Variants in IFIT5 observed in about 807,000 individuals in gnomAD.
IFIT5 encodes interferon induced protein with tetratricopeptide repeats 5, also known as interferon-induced protein with tetratricopeptide repeats 5.
A neutral mutation model predicts 5.0 loss-of-function variants in IFIT5; 2 were observed. The observed-to-expected ratio is 0.40, with a 90% CI of 0.16 to 1.26. The LOEUF is 1.26. IFIT5 is among the 50% of genes most tolerant of loss of function. The pLI is 0.33. For synonymous variants in IFIT5, 206 were observed against 204.6 expected, an observed-to-expected ratio of 1.01 and a Z score of -0.06; for missense variants, 524 against 563.2, an observed-to-expected ratio of 0.93 and a Z score of 0.70.
chr10:89,414,911 G>T, intron 1 of IFIT5, 108 bp downstream of exon 1: 1 of 1,390,882 alleles, frequency 7.2e-7, no homozygotes, highest in Non-Finnish European at 9.7e-7. Flanking sequence ...TTCAGGGGCC[G>T]AGCCCCTCGC....
rs745661525 is a variant in IFIT5, at chr10:89,418,561, T to A, written c.1362T>A (p.Ala454=). Residue 454 remains alanine (A), a synonymous_variant, in exon 2 of 2, where the codon GCT becomes GCA. Coordinates refer to ENST00000371795, the MANE Select transcript of IFIT5 (RefSeq NM_012420.3). ...VYKLEGEKRQ[A]AEYYEKAQKI... is the part of the protein sequence containing the mutation. ...AGCTGGAAGGAGAAAAGAGGCAAGCTGCTGAGTACTATGAGAAGGCACAAA... is the reference window on the plus strand; with the variant it reads ...AGCTGGAAGGAGAAAAGAGGCAAGCAGCTGAGTACTATGAGAAGGCACAAA... 2 of 1,614,176 alleles carry A rather than the reference T, an allele frequency of 1.2e-6. No individual in the cohort carries two copies. The highest frequency in any genetic ancestry group is 2.2e-5 in the South Asian group (2 of 91,080).
In IFIT5 at chr10:89,414,803, G is replaced by A. The variant is rs749460678; in HGVS notation, c.5G>A (p.Ser2Asn). Residue 2 changes from serine (S) to asparagine (N), a missense_variant and splice_region_variant, in exon 1 of 2, where the codon AGT becomes AAT. Physicochemically the swap from Ser to Asn is conservative, Grantham distance 46. Transcript: ENST00000371795. MSEIRKDTLKAI... is the reference protein window; with the variant it reads MNEIRKDTLKAI... ...GGCCTGCAGAGCGCTGCCATCATGA[G>A]GTAAGGGTTTTCCTTTGCCTCTCCT... 1.2e-6 allele frequency: 2 copies of A among 1,610,308 alleles called. No homozygotes were observed. The highest frequency in any genetic ancestry group is 1.7e-6 in the Non-Finnish European group (2 of 1,178,474).
chr10:89,417,501 C>T lies in IFIT5; in HGVS notation c.302C>T (p.Ala101Val). 2 of 1,614,098 alleles carry T rather than the reference C, an allele frequency of 1.2e-6. No homozygotes were observed. Among genetic ancestry groups the T allele is most frequent in the African/African-American group, 1.3e-5 (1 of 75,024 alleles). ...VRSLVTWGNYAWVYYHMDQLE... is the reference protein window; with the variant it reads ...VRSLVTWGNYVWVYYHMDQLE... Reference sequence around the variant, plus strand: ...AGCCTGGTCACTTGGGGAAACTATGCCTGGGTGTATTATCACATGGACCAG... The same window carrying T: ...AGCCTGGTCACTTGGGGAAACTATGTCTGGGTGTATTATCACATGGACCAG... The change falls in exon 2 of 2, where the codon GCC (alanine) becomes GTC (valine). Residue 101 changes from alanine to valine, a missense_variant. Physicochemically the swap from Ala to Val is moderately conservative, Grantham distance 64. Transcript: ENST00000371795.
chr10:89,418,213 A>G lies in IFIT5; in HGVS notation c.1014A>G (p.Ala338=), dbSNP rs914362521. 3.1e-6 allele frequency: 5 copies of G among 1,614,088 alleles called. No homozygotes were observed. The African/African-American group carries it at 6.7e-5, about 22-fold the overall frequency. ...KAAMERDSMF[A]FAYTDLANMY... is the part of the protein sequence containing the mutation. ...CCATGGAACGAGACTCTATGTTTGCATTTGCCTACACAGACCTGGCCAACA... is the reference window on the plus strand; with the variant it reads ...CCATGGAACGAGACTCTATGTTTGCGTTTGCCTACACAGACCTGGCCAACA... Residue 338 remains alanine (A), a synonymous_variant, in exon 2 of 2, where the codon GCA becomes GCG. Coordinates refer to ENST00000371795, the MANE Select transcript of IFIT5 (RefSeq NM_012420.3).
In IFIT5 at chr10:89,418,562, G is replaced by T; in HGVS notation, c.1363G>T (p.Ala455Ser). 6.2e-7 allele frequency: 1 copy of T among 1,614,172 alleles called. No homozygotes were observed. The highest frequency in any genetic ancestry group is 8.5e-7 in the Non-Finnish European group (1 of 1,180,024). ...YKLEGEKRQAAEYYEKAQKID... is the reference protein window; with the variant it reads ...YKLEGEKRQASEYYEKAQKID... ...GCTGGAAGGAGAAAAGAGGCAAGCTGCTGAGTACTATGAGAAGGCACAAAA... is the reference window on the plus strand; with the variant it reads ...GCTGGAAGGAGAAAAGAGGCAAGCTTCTGAGTACTATGAGAAGGCACAAAA... Residue 455 changes from alanine to serine, a missense_variant, in exon 2 of 2, where the codon GCT (alanine) becomes TCT (serine). Physicochemically the swap from Ala to Ser is moderately conservative, Grantham distance 99. Coordinates refer to ENST00000371795, the MANE Select transcript of IFIT5 (RefSeq NM_012420.3).
rs935083647 is a variant in IFIT5 at position 89,419,027 on chromosome 10, C to A, written c.*379C>A. The A allele has an allele frequency of 6.3e-6, 1 of 158,716 alleles. No homozygotes were observed. Among genetic ancestry groups the A allele is most frequent in the African/African-American group, 2.4e-5 (1 of 41,524 alleles). The allele number at this position is 158,716 out of a possible 1,614,324, so 9.8% of individuals were successfully genotyped here. On this transcript the variant is annotated 3_prime_UTR_variant, in exon 2 of 2. Coordinates refer to ENST00000371795, the MANE Select transcript of IFIT5 (RefSeq NM_012420.3). Reference sequence around the variant, plus strand: ...GATCAGGAATACTCTTCCAGGAGTACAAAATTACATTATTGATAGTTAAGC... The same window carrying A: ...GATCAGGAATACTCTTCCAGGAGTAAAAAATTACATTATTGATAGTTAAGC...
Position 89,417,259 on chromosome 10 carries a change from T to C in IFIT5, c.60T>C (p.Phe20=), listed in dbSNP as rs1841547183. The change falls in exon 2 of 2, where the codon TTT becomes TTC. Residue 20 remains phenylalanine, a synonymous_variant. Transcript: ENST00000371795. The stretch of plus-strand genomic sequence containing the variant: ...TTCTGTTGGAGTTAGAATGTCATTT[T>C]ACATGGAATTTACTTAAGGAAGACA... ...KAILLELECH[F]TWNLLKEDID... 1.9e-6 allele frequency: 3 copies of C among 1,612,426 alleles called. No individual in the cohort carries two copies. In the South Asian group the frequency reaches 3.3e-5, roughly 18 times the overall value.
chr10:89,417,202 C>A lies in IFIT5; in HGVS notation c.6-3C>A. 1 of 1,560,332 alleles carries A rather than the reference C, an allele frequency of 6.4e-7. No individual in the cohort carries two copies. The highest frequency in any genetic ancestry group is 2.0e-5 in the Admixed American group (1 of 50,168). On this transcript the variant is annotated splice_polypyrimidine_tract_variant and splice_region_variant and intron_variant, in intron 1 of 1. Transcript: ENST00000371795. The stretch of plus-strand genomic sequence containing the variant: ...AAATTAAAAAGTATTTTATCTTTGA[C>A]AGTGAAATTCGTAAGGACACCTTGA...
intron 1 of IFIT5, among the ~76,000 whole-genome samples, chr10:89,416,714 G>A (rs1038922826): frequency 6.6e-6 from 1 of 152,206 alleles, no homozygotes; most frequent in South Asian, 2.1e-4. Flanking sequence ...TAGGCAGGGG[G>A]CTGGTAAAGC....
At position 89,420,112 on chromosome 10, in the gene IFIT5, T is replaced by A. The variant is rs1356723351; in HGVS notation, c.*1464T>A. ...GTTCCACACCCTCAAGGTAAACTTA[T>A]AACTTATAATTTGATATGTAAACTT... is the stretch of plus-strand genomic sequence containing the variant. On this transcript the variant is annotated 3_prime_UTR_variant, in exon 2 of 2. Coordinates refer to ENST00000371795, the MANE Select transcript of IFIT5 (RefSeq NM_012420.3). The A allele has an allele frequency of 7.0e-6, 1 of 142,898 alleles. No homozygotes were observed. Among genetic ancestry groups the A allele is most frequent in the Non-Finnish European group, 1.5e-5 (1 of 67,864 alleles). 8.9% of individuals were successfully genotyped at this position (142,898 alleles called of 1,614,324 possible).
chr10:89,420,093 C>G lies in IFIT5; in HGVS notation c.*1445C>G, dbSNP rs1793648399. 6.6e-6 allele frequency: 1 copy of G among 151,840 alleles called. No homozygotes were observed. Among genetic ancestry groups the G allele is most frequent in the Admixed American group, 6.5e-5 (1 of 15,276 alleles). The allele number at this position is 151,840 out of a possible 1,614,324, so 9.4% of individuals were successfully genotyped here. A position where few individuals can be genotyped will look rare whatever the true frequency, so the allele number is the denominator to read the frequency against. ...GTCCTCTCACCCTACCACAGTTCCA[C>G]ACCCTCAAGGTAAACTTATAACTTA... is the stretch of plus-strand genomic sequence containing the variant. On this transcript the variant is annotated 3_prime_UTR_variant, in exon 2 of 2. Transcript: ENST00000371795.
At chr10:89,417,084 T>C (rs772677898) in intron 1 of IFIT5, 121 bp from the exon 2 acceptor site, 18 of 789,590 alleles carry the variant, frequency 2.3e-5, no homozygotes, top group Non-Finnish European at 2.7e-5. Context: ...GGGAAACTTA[T>C]GTTTTAACTG....
chr10:89,415,848 A>C (rs1365143979), intron 1 of IFIT5, among the ~76,000 whole-genome samples: 3 of 152,260 alleles, frequency 2.0e-5, no homozygotes, highest in Non-Finnish European at 2.9e-5. Context: ...TTGACTGCTT[A>C]GCACATAATA....
rs1346328277 is a variant in IFIT5 at position 89,420,337 on chromosome 10, T to C, written c.*1689T>C. On this transcript the variant is annotated 3_prime_UTR_variant, in exon 2 of 2. Coordinates refer to ENST00000371795, the MANE Select transcript of IFIT5 (RefSeq NM_012420.3). Reference sequence around the variant, plus strand: ...AAGTCAGCACTGAAGTCCTGACCTATCAGTAGACACATTTGTCCCTTTCAG... The same window carrying C: ...AAGTCAGCACTGAAGTCCTGACCTACCAGTAGACACATTTGTCCCTTTCAG... 1 of 152,204 alleles carries C rather than the reference T, an allele frequency of 6.6e-6. No individual in the cohort carries two copies. Among genetic ancestry groups the C allele is most frequent in the African/African-American group, 2.4e-5 (1 of 41,446 alleles). 9.4% of individuals were successfully genotyped at this position (152,204 alleles called of 1,614,324 possible).
Position 89,417,417 on chromosome 10 carries a change from GC to G in IFIT5, c.219del (p.Leu74TrpfsTer7). 10 of 1,614,166 alleles carry G rather than the reference GC, an allele frequency of 6.2e-6. No individual in the cohort carries two copies. Among genetic ancestry groups the G allele is most frequent in the Non-Finnish European group, 8.5e-6 (10 of 1,180,038 alleles). On this transcript the variant is annotated frameshift_variant, in exon 2 of 2. Transcript: ENST00000371795. LOFTEE classifies it low-confidence loss of function (END_TRUNC). The stretch of plus-strand genomic sequence containing the variant: ...GGCCAAAATAAAGACGCCCTTGAGT[GC>G]TTGGAACAAGCAGAAGAAATAATCC... Reference protein sequence around the residue: ...LKGQNKDALECLEQAEEIIQQ... With the variant: ...LKGQNKDALEXLEQAEEIIQQ...
chr10:89,418,035 C>G lies in IFIT5; in HGVS notation c.836C>G (p.Thr279Arg). ...CTTTTAAAAAAGGCCTTGGAGGTGA[C>G]ACCAACTTCTTCTTTCCTGCATCAC... The part of the protein sequence containing the change: ...LELLKKALEV[T>R]PTSSFLHHQM... Residue 279 changes from threonine to arginine, a missense_variant, in exon 2 of 2, where the codon ACA becomes AGA. Coordinates refer to ENST00000371795, the MANE Select transcript of IFIT5 (RefSeq NM_012420.3). 1 of 1,614,180 alleles carries G rather than the reference C, an allele frequency of 6.2e-7. No individual in the cohort carries two copies. Among genetic ancestry groups the G allele is most frequent in the African/African-American group, 1.3e-5 (1 of 75,034 alleles).
At position 89,419,683 on chromosome 10, in the gene IFIT5, T is replaced by G. The variant is rs1841579611; in HGVS notation, c.*1035T>G. The G allele has an allele frequency of 6.6e-6, 1 of 152,148 alleles. No individual in the cohort carries two copies. The highest frequency in any genetic ancestry group is 2.1e-4 in the South Asian group (1 of 4,836). 9.4% of individuals were successfully genotyped at this position (152,148 alleles called of 1,614,324 possible). On this transcript the variant is annotated 3_prime_UTR_variant, in exon 2 of 2. Transcript: ENST00000371795. ...TAATGTGAAATTTTCAGAATGTTGT[T>G]TTTTTCATGTAGATACTCCAGGAAG...
In IFIT5 at chr10:89,418,161, C is replaced by A; in HGVS notation, c.962C>A (p.Ser321Ter). 1 of 1,614,184 alleles carries A rather than the reference C, an allele frequency of 6.2e-7. No individual in the cohort carries two copies. The highest frequency in any genetic ancestry group is 8.5e-7 in the Non-Finnish European group (1 of 1,180,000). Residue 321 changes from serine to a stop codon, truncating the protein, a stop_gained, in exon 2 of 2, where the codon TCA becomes TAA. Coordinates refer to ENST00000371795, the MANE Select transcript of IFIT5 (RefSeq NM_012420.3). LOFTEE classifies it low-confidence loss of function (END_TRUNC). ...AAACTAAAGGTTGATGAGCTGATTT[C>A]ATCTGCTATATTTCATTTCAAAGCA... is the stretch of plus-strand genomic sequence containing the variant. ...KDKLKVDELI[S>*]SAIFHFKAAM...
Position 89,419,898 on chromosome 10 carries a change from A to C in IFIT5, c.*1250A>C, listed in dbSNP as rs919240437. On this transcript the variant is annotated 3_prime_UTR_variant, in exon 2 of 2. Transcript: ENST00000371795. ...AAAGTACCATGTGATTTAATTCTCCATTCCTCCAATGTAACTCTTAAAATT... is the reference window on the plus strand; with the variant it reads ...AAAGTACCATGTGATTTAATTCTCCCTTCCTCCAATGTAACTCTTAAAATT... The C allele has an allele frequency of 3.3e-5, 5 of 152,056 alleles. No individual in the cohort carries two copies. The highest frequency in any genetic ancestry group is 1.2e-4 in the African/African-American group (5 of 41,410). 9.4% of individuals were successfully genotyped at this position (152,056 alleles called of 1,614,324 possible). A position where few individuals can be genotyped will look rare whatever the true frequency, so the allele number is the denominator to read the frequency against.
Sources: gnomAD v4.1 joint callset for allele counts (sites outside exome capture counted in the v4.1 genomes callset) on GRCh38, gnomAD v4.1.1 for gene constraint, MANE v1.5 for transcripts, NCBI Gene and HGNC (gene_info 2026-07-23, HGNC 2026-07-21) for gene names.